PTPN11: variants seen among roughly 807,000 people sequenced by gnomAD.
PTPN11 encodes tyrosine-protein phosphatase non-receptor type 11.
A neutral mutation model predicts 78.8 loss-of-function variants in PTPN11; 6 were observed. The ratio of observed to expected loss-of-function variants is 0.08; its 90% CI spans 0.04 to 0.15. The LOEUF (loss-of-function observed/expected upper bound fraction) is 0.15. Ranked by LOEUF, PTPN11 falls within the 10% of genes least tolerant of loss-of-function variation. The probability of loss-of-function intolerance (pLI) is 1.00; values close to 1 mark genes in which losing one functional copy is unlikely to be tolerated. For synonymous variants in PTPN11, 221 were observed against 263.5 expected (o/e 0.84, Z 1.56); for missense variants, 386 against 744.8 (o/e 0.52, Z 5.61).
intron 3 of PTPN11, among the ~76,000 whole-genome samples, chr12:112,450,897 C>T (rs2038070621): frequency 6.6e-6 from 1 of 152,166 alleles, no homozygotes; most frequent in South Asian, 2.1e-4. Context: ...ACCAGTTATT[C>T]AGCAATGTCA....
At chr12:112,493,030 T>C (rs1310536749) in intron 13 of PTPN11, among the ~76,000 whole-genome samples, 1 of 152,136 alleles carries the variant, frequency 6.6e-6, no homozygotes, top group African/African-American at 2.4e-5. Flanking sequence ...TTATCAAAAT[T>C]GAGTTAAATA....
intron 1 of PTPN11, among the ~76,000 whole-genome samples, chr12:112,435,098 A>C (rs2037769809): frequency 6.6e-6 from 1 of 152,150 alleles, no homozygotes; most frequent in South Asian, 2.1e-4. Flanking sequence ...AGCTCACTGC[A>C]ACCCCGACGT....
In PTPN11 at chr12:112,425,004, G is replaced by A. The variant is rs866856164; in HGVS notation, c.14+5879G>A. Among the ~76,000 whole-genome samples the A allele has an allele frequency of 5.5e-3, 758 of 139,070 alleles. 9 individuals are homozygous for A. The highest frequency in any genetic ancestry group is 0.019 in the African/African-American group (661 of 34,426). 91.2% of individuals were successfully genotyped at this position (139,070 alleles called of 152,430 possible). On this transcript the variant is annotated intron_variant, in intron 1 of 15. Transcript: ENST00000351677. ...TGTGTGTGTGTGTGTGTGTGTGTGT[G>A]TGTGTATGTAGAGATGGGGTTTTGC...
chr12:112,420,534 G>C (rs2037507690), intron 1 of PTPN11, among the ~76,000 whole-genome samples: 1 of 152,030 alleles, frequency 6.6e-6, no homozygotes, highest in African/African-American at 2.4e-5. Context: ...AGTAGAGACA[G>C]GGTTTCACTA....
At chr12:112,422,173 G>T (rs1229311606) in intron 1 of PTPN11, among the ~76,000 whole-genome samples, 1 of 152,188 alleles carries the variant, frequency 6.6e-6, no homozygotes, top group Non-Finnish European at 1.5e-5. Flanking sequence ...CGTGTGAGCT[G>T]ACACCTGAAT....
rs545654315 is a variant in PTPN11, at chr12:112,443,845, G to C, written c.15-2431G>C. Among the ~76,000 whole-genome samples the C allele has an allele frequency of 1.9e-4, 29 of 151,674 alleles. No homozygotes were observed. The South Asian group carries it at 4.4e-3, about 23-fold the overall frequency. On this transcript the variant is annotated intron_variant, in intron 1 of 15. Transcript: ENST00000351677. ...TTTTTATATTTTTTTGTAGAGACTGGGTTTCGCCATGTTGCCCAAGCTGGT... is the reference window on the plus strand; with the variant it reads ...TTTTTATATTTTTTTGTAGAGACTGCGTTTCGCCATGTTGCCCAAGCTGGT...
intron 1 of PTPN11, among the ~76,000 whole-genome samples, chr12:112,420,716 A>C (rs1044395752): frequency 6.6e-6 from 1 of 152,186 alleles, no homozygotes; most frequent in African/African-American, 2.4e-5. Flanking sequence ...ATGGATCTGG[A>C]ATTTAAAAAG....
In PTPN11 at chr12:112,442,232, A is replaced by C. The variant is rs556918877; in HGVS notation, c.15-4044A>C. On this transcript the variant is annotated intron_variant, in intron 1 of 15. Coordinates refer to ENST00000351677, the MANE Select transcript of PTPN11 (RefSeq NM_002834.5). Reference sequence around the variant, plus strand: ...AAAATAGTACAAATAATTCGTGTTAACTTTTCATCCAGATTTACAAGTCAA... The same window carrying C: ...AAAATAGTACAAATAATTCGTGTTACCTTTTCATCCAGATTTACAAGTCAA... Among the ~76,000 whole-genome samples, 276 of 152,268 alleles carry C rather than the reference A, an allele frequency of 1.8e-3. 1 individual carries two copies. The highest frequency in any genetic ancestry group is 1.6e-3 in the Non-Finnish European group (111 of 68,024).
At chr12:112,461,394 C>T (rs962846419) in intron 6 of PTPN11, among the ~76,000 whole-genome samples, 1 of 149,942 alleles carries the variant, frequency 6.7e-6, no homozygotes, top group East Asian at 2.0e-4. Context: ...TGTGCAGTGG[C>T]GCAAACACAC....
Position 112,504,735 on chromosome 12 carries a change from C to A in PTPN11, c.1753C>A (p.Leu585Met). Residue 585 changes from leucine to methionine, a missense_variant, in exon 15 of 16, where the codon CTG becomes ATG. Around this residue, in one of 3 missense-constraint regions of PTPN11, gnomAD observed 44 missense variants for 59.3 expected, o/e 0.74. Transcript: ENST00000351677. The surrounding 1 kb of genome is among the most constrained non-coding windows in gnomAD (Gnocchi z 4.7). ...TGCTAGAGTCTATGAAAACGTGGGC[C>A]TGATGCAACAGCAGAAAAGTTTCAG... ...DSARVYENVG[L>M]MQQQKSFR 1.9e-6 allele frequency: 3 copies of A among 1,593,942 alleles called. No homozygotes were observed. The highest frequency in any genetic ancestry group is 2.6e-6 in the Non-Finnish European group (3 of 1,161,826).
intron 1 of PTPN11, among the ~76,000 whole-genome samples, chr12:112,436,966 T>G (rs2037802542): frequency 6.6e-6 from 1 of 152,116 alleles, no homozygotes; most frequent in Non-Finnish European, 1.5e-5. Flanking sequence ...TAATGAATTT[T>G]TCTTAAAAAG....
At chr12:112,459,740 T>C (rs2038220085) in intron 6 of PTPN11, among the ~76,000 whole-genome samples, 1 of 152,058 alleles carries the variant, frequency 6.6e-6, no homozygotes, top group African/African-American at 2.4e-5. Flanking sequence ...AGTGCTGGGA[T>C]TGTAGGTGTG....
At chr12:112,454,410 G>A (rs531727902) in intron 4 of PTPN11, among the ~76,000 whole-genome samples, 154 bp from the exon 5 acceptor site, 3 of 152,282 alleles carry the variant, frequency 2.0e-5, no homozygotes, top group East Asian at 3.9e-4. Flanking sequence ...GTGAGCCACT[G>A]CACCCAGCCT....
At chr12:112,487,249 C>T (rs1188697158) in intron 11 of PTPN11, among the ~76,000 whole-genome samples, 3 of 152,040 alleles carry the variant, frequency 2.0e-5, no homozygotes, top group African/African-American at 7.3e-5. Context: ...ATTCTCCTGC[C>T]TCAGCCTCCC....
chr12:112,494,169 G>T (rs183969996), intron 13 of PTPN11, among the ~76,000 whole-genome samples: 1 of 152,158 alleles, frequency 6.6e-6, no homozygotes, highest in Non-Finnish European at 1.5e-5. Context: ...CAGGAGGATC[G>T]CTTGAACCCG....
At chr12:112,484,653 T>A (rs1489133844) in intron 10 of PTPN11, among the ~76,000 whole-genome samples, 2 of 151,764 alleles carry the variant, frequency 1.3e-5, no homozygotes, top group Non-Finnish European at 2.9e-5. Context: ...GTCCTTCTGA[T>A]GATGGGGAGG....
Position 112,450,552 on chromosome 12 carries a change from T to G in PTPN11, c.332+40T>G, listed in dbSNP as rs769864470. ...AGTGACCACAAAGTCTGCTGCTCCC[T>G]TGTGCCCTGAGTGTCAGAAATGCAT... On this transcript the variant is annotated intron_variant, in intron 3 of 15. Coordinates refer to ENST00000351677, the MANE Select transcript of PTPN11 (RefSeq NM_002834.5). 14 of 1,581,874 alleles carry G rather than the reference T, an allele frequency of 8.9e-6. No homozygotes were observed. In the East Asian group the frequency reaches 2.9e-4, roughly 33 times the overall value.
chr12:112,502,821 A>C (rs1298166015), intron 14 of PTPN11, among the ~76,000 whole-genome samples: 1 of 152,234 alleles, frequency 6.6e-6, no homozygotes, highest in Non-Finnish European at 1.5e-5. Context: ...ATGGGATTTT[A>C]AGTATATCAA....
chr12:112,435,793 T>G (rs1261743731), intron 1 of PTPN11, among the ~76,000 whole-genome samples: 1 of 151,852 alleles, frequency 6.6e-6, no homozygotes, highest in African/African-American at 2.4e-5. Flanking sequence ...GAAAAAAAAT[T>G]GAAAGTAGGA....
Sources: allele counts gnomAD v4.1 joint callset (sites outside exome capture counted in the v4.1 genomes callset), GRCh38; gene constraint gnomAD v4.1.1; regional missense constraint gnomAD v4.1.1; non-coding constraint Gnocchi (gnomAD v3.1); transcripts MANE v1.5; gene names NCBI Gene and HGNC (gene_info 2026-07-23, HGNC 2026-07-21).